The following AK5 variants were observed in gnomAD, a reference collection of about 807,000 sequenced individuals.
AK5 encodes adenylate kinase isoenzyme 5.
A neutral mutation model predicts 69.5 loss-of-function variants in AK5; 27 were observed. The observed-to-expected ratio is 0.39, with a 90% CI of 0.29 to 0.54. AK5 has a LOEUF of 0.54. AK5 is among the 20% of genes least tolerant of loss of function. The pLI, the probability that AK5 is intolerant of heterozygous loss-of-function variation, is 0.71. For synonymous variants in AK5, 260 were observed against 244.4 expected (o/e 1.06, Z -0.60); for missense variants, 531 against 700.4 (o/e 0.76, Z 2.73).
chr1:77,391,752 G>A (rs1648505289), intron 6 of AK5, among the ~76,000 whole-genome samples: 1 of 151,968 alleles, frequency 6.6e-6, no homozygotes, highest in Non-Finnish European at 1.5e-5. Flanking sequence ...TTGATTTTAT[G>A]CCTGCAGAAA....
intron 5 of AK5, among the ~76,000 whole-genome samples, chr1:77,308,392 T>C (rs1659758258): frequency 7.2e-6 from 1 of 139,842 alleles, no homozygotes; most frequent in Non-Finnish European, 1.5e-5. Flanking sequence ...TGAGCTGAGA[T>C]AGCGCCACGG....
rs576547021 is a variant in AK5 at position 77,337,560 on chromosome 1, T to C, written c.700-2817T>C. 3.9e-5 allele frequency among the ~76,000 whole-genome samples: 6 copies of C among 152,288 alleles called. No individual in the cohort carries two copies. In the South Asian group the frequency reaches 1.0e-3, roughly 26 times the overall value. On this transcript the variant is annotated intron_variant, in intron 5 of 13. Transcript: ENST00000354567. ...TATTATAGTGGCTGAAGCTGGATGT[T>C]ACTGGTAATTATGTTAACTATGAAT... is the stretch of plus-strand genomic sequence containing the variant.
intron 8 of AK5, among the ~76,000 whole-genome samples, chr1:77,437,490 T>G (rs1481325031): frequency 6.6e-6 from 1 of 152,134 alleles, no homozygotes; most frequent in Non-Finnish European, 1.5e-5. Flanking sequence ...ATGGCTAAAT[T>G]TTATTTGCCC....
chr1:77,520,268 T>G (rs971346129), intron 11 of AK5, among the ~76,000 whole-genome samples: 2 of 151,936 alleles, frequency 1.3e-5, no homozygotes, highest in Non-Finnish European at 2.9e-5. Flanking sequence ...GGTCTTAGCC[T>G]TATTTTATCC....
At chr1:77,520,202 C>CAAAAAAAA (rs377135288) in intron 11 of AK5, among the ~76,000 whole-genome samples, 1 of 110,570 alleles carries the variant, frequency 9.0e-6, no homozygotes. Flanking sequence ...AACTCCATCT[C>CAAAAAAAA]AAAAAAAAAA....
chr1:77,412,295 G>C (rs1050801951), intron 7 of AK5, among the ~76,000 whole-genome samples: 2 of 152,142 alleles, frequency 1.3e-5, no homozygotes, highest in Non-Finnish European at 2.9e-5. Flanking sequence ...GACACGTGCT[G>C]TGTCCTCATT....
At chr1:77,360,609 T>C (rs1263948037) in intron 6 of AK5, among the ~76,000 whole-genome samples, 1 of 152,046 alleles carries the variant, frequency 6.6e-6, no homozygotes, top group African/African-American at 2.4e-5. Context: ...AAAGGAGGAA[T>C]GGAGAAAAGA....
intron 3 of AK5, among the ~76,000 whole-genome samples, chr1:77,294,496 G>A (rs573920974): frequency 6.6e-6 from 1 of 151,962 alleles, no homozygotes; most frequent in African/African-American, 2.4e-5. Flanking sequence ...AACTTTAGAG[G>A]GAAAAATAAA....
chr1:77,408,324 T>C (rs777882905), intron 6 of AK5, among the ~76,000 whole-genome samples: 6 of 152,176 alleles, frequency 3.9e-5, no homozygotes, highest in Admixed American at 2.0e-4. Flanking sequence ...ATAATAGCCT[T>C]CTGACTGGTG....
intron 5 of AK5, 200 bp downstream of exon 5, chr1:77,298,147 G>T (rs1659117728): frequency 6.7e-6 from 3 of 444,650 alleles, no homozygotes; most frequent in Non-Finnish European, 1.2e-5. Flanking sequence ...CTGCCAAAAG[G>T]AAAGATAACT....
In AK5 at chr1:77,489,985, C is replaced by T. The variant is rs145375543; in HGVS notation, c.1147+3633C>T. 2.4e-4 allele frequency among the ~76,000 whole-genome samples: 37 copies of T among 152,298 alleles called. No homozygotes were observed. In the East Asian group the frequency reaches 6.6e-3, roughly 27 times the overall value. ...TTAAGTTCTAGCTCCCTGAGAACTC[C>T]GCTGTAATCACCATCCTTCCTCCTC... On this transcript the variant is annotated intron_variant, in intron 10 of 13. Transcript: ENST00000354567.
intron 5 of AK5, among the ~76,000 whole-genome samples, chr1:77,310,504 C>T (rs951595943): frequency 1.7e-4 from 26 of 152,042 alleles, no homozygotes; most frequent in African/African-American, 5.6e-4. Context: ...CTCAGCCTCC[C>T]GAGTAGCTGG....
Position 77,340,177 on chromosome 1 carries a change from G to A in AK5, c.700-200G>A, listed in dbSNP as rs372124672. 5.2e-4 allele frequency among the ~76,000 whole-genome samples: 79 copies of A among 152,300 alleles called. 1 individual carries two copies. The South Asian group carries it at 0.016, about 30-fold the overall frequency. ...ACTGCATATGGCCACATGAGTTAGA[G>A]AATGCTATTTACATGGACTACAGTG... On this transcript the variant is annotated intron_variant, in intron 5 of 13. Coordinates refer to ENST00000354567, the MANE Select transcript of AK5 (RefSeq NM_174858.3).
At chr1:77,558,480 G>GGA (rs775283659) in intron 13 of AK5, 122 bp from the exon 14 acceptor site, 39 of 614,128 alleles carry the variant, frequency 6.4e-5, no homozygotes, top group Non-Finnish European at 1.0e-4. Context: ...TGTGTTTTGG[G>GGA]GGGGGTCTTG....
intron 12 of AK5, among the ~76,000 whole-genome samples, chr1:77,531,585 G>A (rs1256350542): frequency 6.6e-6 from 1 of 152,128 alleles, no homozygotes; most frequent in East Asian, 1.9e-4. Context: ...GGTGCTGATT[G>A]GTGTGTTTAC....
intron 6 of AK5, among the ~76,000 whole-genome samples, chr1:77,387,935 A>AACCATTATT (rs201109039): frequency 0.019 from 2,876 of 152,296 alleles, 87 homozygotes; most frequent in African/African-American, 0.066. Flanking sequence ...GAGCAATGTA[A>AACCATTATT]ACCATTATTT....
chr1:77,486,668 A>AG (rs573750995), intron 10 of AK5, among the ~76,000 whole-genome samples: 14 of 151,038 alleles, frequency 9.3e-5, no homozygotes, highest in Admixed American at 4.0e-4. Flanking sequence ...ACTGCACTCC[A>AG]CCTGGGTGAC....
intron 8 of AK5, among the ~76,000 whole-genome samples, chr1:77,474,672 C>T (rs1654733422): frequency 6.6e-6 from 1 of 152,188 alleles, no homozygotes. Context: ...TCCACTGGCT[C>T]ACCTCATCTG....
chr1:77,479,196 C>CTTTTTTTTTTTTTTTTTTTTTTTTTTT (rs67079216), intron 8 of AK5, among the ~76,000 whole-genome samples: 1 of 71,908 alleles, frequency 1.4e-5, no homozygotes. Context: ...CTGAAATTGT[C>CTTTTTTTTTTTTTTTTTTTTTTTTTTT]TTTTTTTTTT....
Sources: gnomAD v4.1 joint callset for allele counts (sites outside exome capture counted in the v4.1 genomes callset) on GRCh38, gnomAD v4.1.1 for gene constraint, MANE v1.5 for transcripts, NCBI Gene and HGNC (gene_info 2026-07-23, HGNC 2026-07-21) for gene names.